LDB2: variants seen among roughly 807,000 people sequenced by gnomAD.
LDB2 encodes the protein LIM domain-binding protein 2.
LDB2 carries 12 observed loss-of-function variants against 44.3 expected under a neutral mutation model. The observed-to-expected ratio is 0.27, with a 90% CI of 0.17 to 0.44. LDB2 has a LOEUF of 0.44. Among genes scored for constraint, LDB2 ranks in the 20% least tolerant of loss-of-function variants. The probability of loss-of-function intolerance (pLI) is 1.00; values close to 1 mark genes in which losing one functional copy is unlikely to be tolerated. For synonymous variants in LDB2, 164 were observed against 174.8 expected (o/e 0.94, Z 0.49); for missense variants, 344 against 473.5 (o/e 0.73, Z 2.54).
intron 1 of LDB2, among the ~76,000 whole-genome samples, chr4:16,816,565 C>T (rs1034693698): frequency 7.5e-6 from 1 of 133,688 alleles, no homozygotes; most frequent in Non-Finnish European, 1.7e-5. Flanking sequence ...CCTGCCACCA[C>T]ATCCAACTAA....
chr4:16,761,885 G>A (rs910250780), intron 1 of LDB2, among the ~76,000 whole-genome samples: 1 of 152,162 alleles, frequency 6.6e-6, no homozygotes. Context: ...GTTCATGCCT[G>A]TAATCCCAGC....
At chr4:16,517,555 C>G (rs566582783) in intron 5 of LDB2, among the ~76,000 whole-genome samples, 1 of 152,274 alleles carries the variant, frequency 6.6e-6, no homozygotes, top group Non-Finnish European at 1.5e-5. Flanking sequence ...TTTGTTTGGT[C>G]TCTTCCTGGG....
At chr4:16,852,841 G>C (rs529340885) in intron 1 of LDB2, among the ~76,000 whole-genome samples, 18 of 152,240 alleles carry the variant, frequency 1.2e-4, no homozygotes, top group Middle Eastern at 6.8e-3. Context: ...TTAAGTAATA[G>C]TGGTTACTGT....
chr4:16,715,911 T>C (rs999227608), intron 2 of LDB2, among the ~76,000 whole-genome samples: 5 of 152,126 alleles, frequency 3.3e-5, no homozygotes, highest in Non-Finnish European at 5.9e-5. Flanking sequence ...ATGATATCCT[T>C]AGTTCACTTA....
At chr4:16,672,932 C>T (rs1176047653) in intron 2 of LDB2, among the ~76,000 whole-genome samples, 1 of 148,298 alleles carries the variant, frequency 6.7e-6, no homozygotes, top group African/African-American at 2.5e-5. Context: ...TTCCTTCTCG[C>T]TTCTCTCCCT....
At chr4:16,558,035 G>C (rs1740433518) in intron 5 of LDB2, among the ~76,000 whole-genome samples, 1 of 152,172 alleles carries the variant, frequency 6.6e-6, no homozygotes, top group African/African-American at 2.4e-5. Context: ...CTAACAAACA[G>C]AAAGGACATC....
intron 2 of LDB2, among the ~76,000 whole-genome samples, chr4:16,739,491 C>T (rs1235973598): frequency 6.9e-6 from 1 of 145,032 alleles, no homozygotes; most frequent in Non-Finnish European, 1.5e-5. Flanking sequence ...GCGGCTGAGG[C>T]ACAAGAATCA....
At chr4:16,664,897 A>G (rs1453688663) in intron 2 of LDB2, among the ~76,000 whole-genome samples, 1 of 152,244 alleles carries the variant, frequency 6.6e-6, no homozygotes, top group African/African-American at 2.4e-5. Context: ...GTAGATGAAC[A>G]GAAAACACAC....
chr4:16,583,934 A>G (rs2152422643), intron 5 of LDB2, among the ~76,000 whole-genome samples: 1 of 152,326 alleles, frequency 6.6e-6, no homozygotes, highest in South Asian at 2.1e-4. Flanking sequence ...CCATTGCTCC[A>G]CCATGAAGCC....
At chr4:16,812,792 T>G (rs918269537) in intron 1 of LDB2, among the ~76,000 whole-genome samples, 10 of 151,816 alleles carry the variant, frequency 6.6e-5, no homozygotes, top group Non-Finnish European at 1.2e-4. Context: ...GTGTGATATT[T>G]CATTATTATG....
intron 5 of LDB2, among the ~76,000 whole-genome samples, chr4:16,581,674 A>G (rs1225834618): frequency 6.6e-6 from 1 of 152,084 alleles, no homozygotes; most frequent in Non-Finnish European, 1.5e-5. Flanking sequence ...AATCAATCCA[A>G]GGGCCATCTT....
intron 1 of LDB2, among the ~76,000 whole-genome samples, chr4:16,812,982 C>T (rs576134303): frequency 2.6e-5 from 4 of 151,764 alleles, no homozygotes; most frequent in East Asian, 1.9e-4. Flanking sequence ...TTGAAGCAGG[C>T]GTGCCTCAGT....
At chr4:16,766,161 T>C (rs1472162317) in intron 1 of LDB2, among the ~76,000 whole-genome samples, 1 of 152,126 alleles carries the variant, frequency 6.6e-6, no homozygotes, top group African/African-American at 2.4e-5. Flanking sequence ...TTTTTCTCTC[T>C]CCTCTCTCAG....
chr4:16,855,169 T>C (rs1043094060), intron 1 of LDB2, among the ~76,000 whole-genome samples: 6 of 152,138 alleles, frequency 3.9e-5, no homozygotes, highest in Non-Finnish European at 8.8e-5. Context: ...ATCAAATTTC[T>C]ACACTCACTA....
rs972329449 is a variant in LDB2, at chr4:16,743,088, G to A, written c.235+16070C>T. Among the ~76,000 whole-genome samples, 5 of 152,130 alleles carry A rather than the reference G, an allele frequency of 3.3e-5. No individual in the cohort carries two copies. In the East Asian group the frequency reaches 5.8e-4, roughly 18 times the overall value. On this transcript the variant is annotated intron_variant, in intron 2 of 7. Coordinates refer to ENST00000304523, the MANE Select transcript of LDB2 (RefSeq NM_001290.5). ...GTGGATCACTTGAGGTCAGGAGTTC[G>A]AGACCAGCCTGGCCAACATGGTGAA...
intron 5 of LDB2, among the ~76,000 whole-genome samples, chr4:16,526,919 T>C (rs1728453902): frequency 6.6e-6 from 1 of 152,208 alleles, no homozygotes; most frequent in South Asian, 2.1e-4. Context: ...AGAAAACCAA[T>C]ATAAGCATCC....
At chr4:16,685,215 G>C (rs1169354416) in intron 2 of LDB2, among the ~76,000 whole-genome samples, 2 of 152,160 alleles carry the variant, frequency 1.3e-5, no homozygotes, top group Non-Finnish European at 2.9e-5. Flanking sequence ...AATGAGCAGA[G>C]CTTGAGTCCC....
At chr4:16,689,609 G>A (rs1750135573) in intron 2 of LDB2, among the ~76,000 whole-genome samples, 1 of 152,192 alleles carries the variant, frequency 6.6e-6, no homozygotes, top group Non-Finnish European at 1.5e-5. Context: ...TCTGACTCCT[G>A]TTAAATTCTT....
intron 1 of LDB2, among the ~76,000 whole-genome samples, chr4:16,780,404 G>T (rs1406579923): frequency 4.6e-5 from 7 of 151,964 alleles, no homozygotes; most frequent in African/African-American, 1.7e-4. Context: ...TGTATTTTTG[G>T]TACTGATGGA....
Sources: gnomAD v4.1 joint callset for allele counts (sites outside exome capture counted in the v4.1 genomes callset) on GRCh38, gnomAD v4.1.1 for gene constraint, MANE v1.5 for transcripts, NCBI Gene and HGNC (gene_info 2026-07-23, HGNC 2026-07-21) for gene names.